The following PTPRG variants were observed in gnomAD, a reference collection of about 807,000 sequenced individuals.
PTPRG encodes receptor-type tyrosine-protein phosphatase gamma.
Under a neutral mutation model 165.3 loss-of-function variants are expected in PTPRG, and 102 were observed. The observed-to-expected ratio is 0.62, with a 90% confidence interval of 0.53 to 0.73. PTPRG has a LOEUF of 0.73. PTPRG is among the 30% of genes least tolerant of loss of function. PTPRG has a pLI of 0.00. For missense variants in PTPRG, 1,866 were observed against 1,861.4 expected, an observed-to-expected ratio of 1.00 and a Z score of -0.05; for synonymous variants, 675 against 669.5, an observed-to-expected ratio of 1.01 and a Z score of -0.13.
chr3:62,047,405 G>A (rs532029806), intron 4 of PTPRG, among the ~76,000 whole-genome samples: 13 of 152,128 alleles, frequency 8.5e-5, no homozygotes, highest in East Asian at 1.9e-4. Context: ...GACCACAAGC[G>A]TGAACCACCA....
intron 6 of PTPRG, among the ~76,000 whole-genome samples, chr3:62,135,305 C>A (rs1279553753): frequency 2.0e-5 from 3 of 150,728 alleles, no homozygotes; most frequent in African/African-American, 7.3e-5. Flanking sequence ...AATAAAAAAG[C>A]TTTTGTTGGA....
chr3:61,782,899 C>A (rs2034586491), intron 2 of PTPRG, among the ~76,000 whole-genome samples: 1 of 152,096 alleles, frequency 6.6e-6, no homozygotes, highest in Non-Finnish European at 1.5e-5. Flanking sequence ...AACTCCTGGG[C>A]TCAAGTGATC....
chr3:61,776,460 A>G (rs1044036085), intron 2 of PTPRG, among the ~76,000 whole-genome samples: 1 of 152,186 alleles, frequency 6.6e-6, no homozygotes, highest in African/African-American at 2.4e-5. Flanking sequence ...CTTTATGCTT[A>G]TGGTAAGAAC....
At chr3:61,563,244 C>T (rs1220594814) in intron 1 of PTPRG, among the ~76,000 whole-genome samples, 3 of 152,166 alleles carry the variant, frequency 2.0e-5, no homozygotes, top group African/African-American at 4.8e-5. Context: ...CATCTTTGCC[C>T]TTTTGCAGGC....
chr3:61,658,030 A>T (rs1702556665), intron 1 of PTPRG, among the ~76,000 whole-genome samples: 1 of 152,112 alleles, frequency 6.6e-6, no homozygotes, highest in Non-Finnish European at 1.5e-5. Context: ...GGACAGACAC[A>T]CTCCATGAAA....
In PTPRG at chr3:61,960,375, G is replaced by A. The variant is rs117505546; in HGVS notation, c.191-29250G>A. 1.3e-3 allele frequency among the ~76,000 whole-genome samples: 201 copies of A among 152,084 alleles called. 6 individuals are homozygous for A. In the East Asian group the frequency reaches 0.032, roughly 24 times the overall value. ...CCTTTGTTAGGCCATCTGTATCAGG[G>A]TGATAAATTCCCTGTTTGTGTAGTC... is the stretch of plus-strand genomic sequence containing the variant. On this transcript the variant is annotated intron_variant, in intron 2 of 29. Coordinates refer to ENST00000474889, the MANE Select transcript of PTPRG (RefSeq NM_002841.4).
At chr3:62,277,733 A>C in intron 26 of PTPRG, 54 bp downstream of exon 26, 1 of 1,599,022 alleles carries the variant, frequency 6.3e-7, no homozygotes, top group Non-Finnish European at 8.5e-7. Flanking sequence ...TACAAGCATA[A>C]ATTACTTTGA....
chr3:61,908,932 A>G (rs983265218), intron 2 of PTPRG, among the ~76,000 whole-genome samples: 6 of 152,158 alleles, frequency 3.9e-5, no homozygotes, highest in Admixed American at 1.3e-4. Context: ...ATTCCAAGTG[A>G]GATTTCCTAC....
At chr3:62,281,019 A>C (rs1229020245) in intron 26 of PTPRG, among the ~76,000 whole-genome samples, 2 of 152,062 alleles carry the variant, frequency 1.3e-5, no homozygotes, top group Non-Finnish European at 2.9e-5. Flanking sequence ...CCTGCCACAA[A>C]AATGAAAGTG....
intron 4 of PTPRG, among the ~76,000 whole-genome samples, chr3:62,045,197 G>C (rs1003321222): frequency 1.3e-5 from 2 of 152,114 alleles, no homozygotes; most frequent in Admixed American, 6.5e-5. Context: ...AATATTCGCT[G>C]TTCAATTCAG....
At chr3:61,679,535 A>T (rs1020948307) in intron 1 of PTPRG, among the ~76,000 whole-genome samples, 7 of 152,202 alleles carry the variant, frequency 4.6e-5, no homozygotes, top group Non-Finnish European at 8.8e-5. Context: ...CTGTAATCCC[A>T]GCACTTTGGG....
chr3:62,072,071 G>T (rs1241528486), intron 4 of PTPRG, among the ~76,000 whole-genome samples: 2 of 152,138 alleles, frequency 1.3e-5, no homozygotes, highest in African/African-American at 2.4e-5. Flanking sequence ...ACTACAACTG[G>T]AATTATTTTA....
At chr3:61,562,435 C>A in intron 1 of PTPRG, 63 bp downstream of exon 1, 2 of 1,531,870 alleles carry the variant, frequency 1.3e-6, no homozygotes, top group Non-Finnish European at 1.8e-6. Context: ...GCGGAGTTGT[C>A]GCCTGGGCGC....
chr3:61,920,702 A>G (rs888883234), intron 2 of PTPRG, among the ~76,000 whole-genome samples: 2 of 152,048 alleles, frequency 1.3e-5, no homozygotes, highest in East Asian at 3.9e-4. Context: ...CCAATACTTT[A>G]TTTTTTTAGA....
chr3:61,753,479 T>C (rs2033521976), intron 2 of PTPRG: 2 of 334,824 alleles, frequency 6.0e-6, no homozygotes, highest in Non-Finnish European at 6.0e-6. Flanking sequence ...AGAACTTCTA[T>C]AATTATTGCA....
intron 13 of PTPRG, 55 bp from the exon 14 acceptor site, chr3:62,231,170 C>A: frequency 1.5e-6 from 2 of 1,337,476 alleles, no homozygotes; most frequent in South Asian, 1.9e-5. Context: ...CTCTTGGTGG[C>A]CAATTGAAAA....
intron 1 of PTPRG, among the ~76,000 whole-genome samples, chr3:61,625,761 C>T (rs1342114185): frequency 6.6e-6 from 1 of 152,142 alleles, no homozygotes; most frequent in Non-Finnish European, 1.5e-5. Context: ...CACTCTTAAG[C>T]ATTTCAGCCT....
intron 1 of PTPRG, among the ~76,000 whole-genome samples, chr3:61,577,884 A>G (rs1174790693): frequency 6.6e-6 from 1 of 152,184 alleles, no homozygotes; most frequent in African/African-American, 2.4e-5. Context: ...CCTCTGGGAT[A>G]TTCCGGGTAT....
intron 4 of PTPRG, among the ~76,000 whole-genome samples, chr3:62,015,152 C>T (rs184319504): frequency 5.9e-5 from 9 of 152,296 alleles, no homozygotes; most frequent in East Asian, 5.8e-4. Flanking sequence ...TTCTAAATGA[C>T]GCACAGTGTT....
Sources: allele counts gnomAD v4.1 joint callset (sites outside exome capture counted in the v4.1 genomes callset), GRCh38; gene constraint gnomAD v4.1.1; transcripts MANE v1.5; gene names NCBI Gene and HGNC (gene_info 2026-07-23, HGNC 2026-07-21).